The following IL1RAPL1 variants were observed in gnomAD, a reference collection of about 807,000 sequenced individuals.
IL1RAPL1 encodes interleukin-1 receptor accessory protein-like 1.
In IL1RAPL1, 3 loss-of-function variants were observed where a neutral mutation model predicts 48.4. The ratio of observed to expected loss-of-function variants is 0.06; its 90% CI spans 0.03 to 0.16. The LOEUF is 0.16. IL1RAPL1 is among the 10% of genes least tolerant of loss of function. The pLI is 1.00. For synonymous variants in IL1RAPL1, 185 were observed against 187.7 expected, an observed-to-expected ratio of 0.99 and a Z score of 0.12; for missense variants, 349 against 530.6, an observed-to-expected ratio of 0.66 and a Z score of 3.36.
intron 6 of IL1RAPL1, among the ~76,000 whole-genome samples, chrX:29,852,001 C>G (rs1171854872): frequency 4.4e-5 from 5 of 112,444 alleles, no homozygotes. Context: ...ATTGAGCTGT[C>G]TGCTTTGATT....
chrX:28,851,756 A>G (rs1043178114), intron 2 of IL1RAPL1, among the ~76,000 whole-genome samples: 3 of 111,807 alleles, frequency 2.7e-5, no homozygotes, highest in Non-Finnish European at 3.8e-5. Context: ...TGGCACATCA[A>G]TTATAAATTT....
intron 1 of IL1RAPL1, among the ~76,000 whole-genome samples, chrX:28,680,074 A>G (rs980554390): frequency 1.8e-5 from 2 of 111,762 alleles, no homozygotes; most frequent in African/African-American, 6.5e-5. Flanking sequence ...TAACAATACT[A>G]ATTTTTCTAA....
intron 2 of IL1RAPL1, among the ~76,000 whole-genome samples, chrX:28,914,968 CAACCTTTTT>C (rs1161281844): frequency 8.9e-6 from 1 of 111,988 alleles, no homozygotes; most frequent in Non-Finnish European, 1.9e-5. Flanking sequence ...CAGTGGCCCC[CAACCTTTTT>C]GGCACCAGGG....
intron 1 of IL1RAPL1, among the ~76,000 whole-genome samples, chrX:28,591,987 T>C (rs144912062): frequency 3.9e-3 from 434 of 111,797 alleles, no homozygotes; most frequent in South Asian, 0.011. Context: ...GCTGTGCATG[T>C]TTTTTACACC....
At chrX:29,262,474 A>T (rs1468839417) in intron 2 of IL1RAPL1, among the ~76,000 whole-genome samples, 1 of 110,264 alleles carries the variant, frequency 9.1e-6, no homozygotes, top group African/African-American at 3.3e-5. Context: ...GACCAGCCTG[A>T]CCAACATGGA....
intron 1 of IL1RAPL1, among the ~76,000 whole-genome samples, chrX:28,721,564 A>G (rs1373502117): frequency 2.7e-5 from 3 of 111,174 alleles, no homozygotes; most frequent in East Asian, 5.7e-4. Context: ...CTCTGATGGT[A>G]GTTTCTTTTG....
intron 2 of IL1RAPL1, among the ~76,000 whole-genome samples, chrX:28,999,831 C>T (rs1925807875): frequency 8.9e-6 from 1 of 111,795 alleles, no homozygotes; most frequent in South Asian, 3.7e-4. Flanking sequence ...AGGATAGTTG[C>T]TTTGTTATCT....
At chrX:29,879,418 G>C (rs1338240979) in intron 6 of IL1RAPL1, among the ~76,000 whole-genome samples, 1 of 105,011 alleles carries the variant, frequency 9.5e-6, no homozygotes, top group Non-Finnish European at 2.0e-5. Flanking sequence ...TATAATATTT[G>C]TGTACATGTG....
At chrX:28,844,335 C>G (rs1921453240) in intron 2 of IL1RAPL1, among the ~76,000 whole-genome samples, 1 of 107,603 alleles carries the variant, frequency 9.3e-6, no homozygotes, top group Non-Finnish European at 1.9e-5. Context: ...TTTGCCTTGA[C>G]AAATACAATG....
chrX:29,543,979 C>A (rs1204332756), intron 5 of IL1RAPL1, among the ~76,000 whole-genome samples: 1 of 112,011 alleles, frequency 8.9e-6, no homozygotes, highest in Admixed American at 9.5e-5. Context: ...AAAGTTGATT[C>A]TTTGTTCACA....
intron 4 of IL1RAPL1, among the ~76,000 whole-genome samples, chrX:29,396,934 T>A (rs1284775309): frequency 8.9e-6 from 1 of 111,972 alleles, no homozygotes; most frequent in African/African-American, 3.2e-5. Flanking sequence ...TTTAAAGAAA[T>A]AACATCTGAG....
At chrX:28,598,788 C>T (rs1933985634) in intron 1 of IL1RAPL1, among the ~76,000 whole-genome samples, 1 of 108,860 alleles carries the variant, frequency 9.2e-6, no homozygotes, top group African/African-American at 3.3e-5. Flanking sequence ...GCCACCACAC[C>T]CGGCTAATTT....
chrX:29,260,028 A>G (rs1304498441), intron 2 of IL1RAPL1, among the ~76,000 whole-genome samples: 1 of 112,168 alleles, frequency 8.9e-6, no homozygotes, highest in Non-Finnish European at 1.9e-5. Context: ...ATTTTCTTCA[A>G]TAATTCTACA....
At chrX:29,053,176 G>C (rs1257929262) in intron 2 of IL1RAPL1, among the ~76,000 whole-genome samples, 1 of 111,367 alleles carries the variant, frequency 9.0e-6, no homozygotes, top group Non-Finnish European at 1.9e-5. Context: ...ATGGCCTCCA[G>C]CTCCATCCAT....
chrX:29,130,278 G>A (rs556304475), intron 2 of IL1RAPL1, among the ~76,000 whole-genome samples: 2 of 112,068 alleles, frequency 1.8e-5, no homozygotes, highest in East Asian at 5.6e-4. Flanking sequence ...TTTTGTATTG[G>A]CATTTAAAAA....
intron 1 of IL1RAPL1, among the ~76,000 whole-genome samples, chrX:28,770,742 T>G (rs897639371): frequency 2.7e-5 from 3 of 112,387 alleles, no homozygotes; most frequent in African/African-American, 9.7e-5. Flanking sequence ...ATTGGTATGT[T>G]AAAGCTATCC....
chrX:29,825,814 G>T (rs1930724361), intron 6 of IL1RAPL1, among the ~76,000 whole-genome samples: 1 of 111,528 alleles, frequency 9.0e-6, no homozygotes, highest in South Asian at 3.8e-4. Context: ...TCCTTCTTAA[G>T]ATTTTAAAAA....
At chrX:28,729,055 A>C (rs1158522458) in intron 1 of IL1RAPL1, among the ~76,000 whole-genome samples, 2 of 112,182 alleles carry the variant, frequency 1.8e-5, no homozygotes, top group Non-Finnish European at 3.8e-5. Flanking sequence ...GCTTATATCA[A>C]ACATTTTGCA....
At chrX:29,642,508 C>T (rs1383357708) in intron 5 of IL1RAPL1, among the ~76,000 whole-genome samples, 4 of 112,442 alleles carry the variant, frequency 3.6e-5, no homozygotes, top group Admixed American at 1.9e-4. Context: ...AATTACCTGT[C>T]CTTTTCATTA....
Sources: gnomAD v4.1 joint callset for allele counts (sites outside exome capture counted in the v4.1 genomes callset) on GRCh38, gnomAD v4.1.1 for gene constraint, MANE v1.5 for transcripts, NCBI Gene and HGNC (gene_info 2026-07-23, HGNC 2026-07-21) for gene names.